The following FARS2 variants were observed in gnomAD, a reference collection of about 807,000 sequenced individuals.
FARS2 encodes phenylalanine--tRNA ligase, mitochondrial.
Under a neutral mutation model 46.4 loss-of-function variants are expected in FARS2, and 40 were observed. The ratio of observed to expected loss-of-function variants is 0.86; its 90% CI spans 0.67 to 1.12. The LOEUF (loss-of-function observed/expected upper bound fraction) is 1.12, where lower values mean the gene tolerates loss of function less well. Ranked by LOEUF, FARS2 falls within the 50% of genes most tolerant of loss-of-function variation. FARS2 has a pLI of 0.00. For missense variants in FARS2, 513 were observed against 567.9 expected, an observed-to-expected ratio of 0.90 and a Z score of 0.98; for synonymous variants, 234 against 214.9, an observed-to-expected ratio of 1.09 and a Z score of -0.78.
intron 6 of FARS2, among the ~76,000 whole-genome samples, chr6:5,737,844 G>A (rs1761048478): frequency 6.6e-6 from 1 of 152,190 alleles, no homozygotes; most frequent in South Asian, 2.1e-4. Context: ...GAAGACCGTG[G>A]CTTGCTTCCT....
At chr6:5,671,051 A>G (rs912063854) in intron 6 of FARS2, among the ~76,000 whole-genome samples, 1 of 152,336 alleles carries the variant, frequency 6.6e-6, no homozygotes, top group Middle Eastern at 3.4e-3. Context: ...ATCCTTAGGT[A>G]ATTACTTTCT....
At chr6:5,290,170 A>G (rs115790938) in intron 1 of FARS2, among the ~76,000 whole-genome samples, 3,225 of 152,318 alleles carry the variant, frequency 0.021, 118 homozygotes, top group African/African-American at 0.072. Flanking sequence ...ACCCTTCAAC[A>G]AAAGTCTTAA....
At chr6:5,544,230 A>G (rs564988993) in intron 4 of FARS2, among the ~76,000 whole-genome samples, 18 of 152,294 alleles carry the variant, frequency 1.2e-4, no homozygotes, top group South Asian at 8.3e-4. Context: ...TCTCTCTCCA[A>G]TCGGCCAAGA....
At chr6:5,404,842 C>A in intron 3 of FARS2, 141 bp downstream of exon 3, 1 of 583,344 alleles carries the variant, frequency 1.7e-6, no homozygotes, top group Non-Finnish European at 2.7e-6. Context: ...CTCTGTCACC[C>A]AGGCTGGAGT....
At chr6:5,638,789 C>T (rs974811905) in intron 6 of FARS2, among the ~76,000 whole-genome samples, 13 of 152,164 alleles carry the variant, frequency 8.5e-5, no homozygotes, top group African/African-American at 2.4e-4. Context: ...AGTTTCCTCG[C>T]GCGAGAGAAT....
intron 1 of FARS2, among the ~76,000 whole-genome samples, chr6:5,275,135 C>T (rs989082478): frequency 3.3e-5 from 5 of 152,184 alleles, no homozygotes; most frequent in Non-Finnish European, 5.9e-5. Flanking sequence ...TTGCGAATCA[C>T]TGGGATATTT....
rs777689872 is a variant in FARS2, at chr6:5,410,463, C to T, written c.772+5762C>T. ...AGGCGTGAGCCACTGCACCTGGCCG[C>T]GTTGTTCTATTTCAGGCATTTCAGA... On this transcript the variant is annotated intron_variant, in intron 3 of 6. Coordinates refer to ENST00000274680, the MANE Select transcript of FARS2 (RefSeq NM_006567.5). Among the ~76,000 whole-genome samples the T allele has an allele frequency of 1.2e-4, 19 of 152,108 alleles. No individual in the cohort carries two copies. In the Middle Eastern group the frequency reaches 0.017, roughly 136 times the overall value.
chr6:5,565,999 T>C (rs554073063), intron 5 of FARS2, among the ~76,000 whole-genome samples: 3 of 152,326 alleles, frequency 2.0e-5, no homozygotes, highest in African/African-American at 7.2e-5. Context: ...AATTTGACCA[T>C]GAGGTGAAAT....
At position 5,432,325 on chromosome 6, in the gene FARS2, AAAAT is replaced by A. The variant is rs1365326930; in HGVS notation, c.904+1155_904+1158del. The stretch of plus-strand genomic sequence containing the variant: ...GCAACACTCAGTCTTAAAAAAAAAA[AAAAT>A]ATATATATATATATATATATATTAT... On this transcript the variant is annotated intron_variant, in intron 4 of 6. Transcript: ENST00000274680. Among the ~76,000 whole-genome samples, 189 of 47,304 alleles carry A rather than the reference AAAAT, an allele frequency of 4.0e-3. 2 individuals are homozygous for A. Among genetic ancestry groups the A allele is most frequent in the East Asian group, 0.036 (47 of 1,300 alleles). 31.0% of individuals were successfully genotyped at this position (47,304 alleles called of 152,430 possible). A position where few individuals can be genotyped will look rare whatever the true frequency, so the allele number is the denominator to read the frequency against.
chr6:5,710,567 G>A (rs1759079344), intron 6 of FARS2, among the ~76,000 whole-genome samples: 1 of 152,212 alleles, frequency 6.6e-6, no homozygotes, highest in Non-Finnish European at 1.5e-5. Flanking sequence ...CTTCCCCGGG[G>A]GGCTTCCTAG....
chr6:5,367,447 T>C (rs1379073357), intron 1 of FARS2, among the ~76,000 whole-genome samples: 1 of 152,144 alleles, frequency 6.6e-6, no homozygotes, highest in East Asian at 1.9e-4. Context: ...TGAGTGAGTT[T>C]AAAACTGGCT....
chr6:5,563,092 G>A lies in FARS2; in HGVS notation c.1065+17752G>A, dbSNP rs908787128. 3.3e-5 allele frequency among the ~76,000 whole-genome samples: 5 copies of A among 152,174 alleles called. No individual in the cohort carries two copies. The South Asian group carries it at 1.0e-3, about 32-fold the overall frequency. ...CCCCCGTACAGAGACAGAGGGAGGG[G>A]GGCTCCAAAGCCAAAAGAGGAGGTC... On this transcript the variant is annotated intron_variant, in intron 5 of 6. Transcript: ENST00000274680.
At chr6:5,257,520 T>G (rs567733752), upstream of FARS2, among the ~76,000 whole-genome samples, 60 of 152,320 alleles carry the variant, frequency 3.9e-4, no homozygotes, top group Non-Finnish European at 7.2e-4. Flanking sequence ...GGGCTTGGTA[T>G]AGCAGGGGTC....
intron 6 of FARS2, among the ~76,000 whole-genome samples, chr6:5,675,836 G>T (rs2150820444): frequency 6.6e-6 from 1 of 152,246 alleles, no homozygotes; most frequent in Admixed American, 6.5e-5. Context: ...TATCCGGTAG[G>T]AAGTTAAATT....
chr6:5,472,900 C>G (rs907527525), intron 4 of FARS2, among the ~76,000 whole-genome samples: 3 of 152,250 alleles, frequency 2.0e-5, no homozygotes, highest in Admixed American at 6.5e-5. Context: ...TTGTTAAATA[C>G]AGAGAGCACA....
chr6:5,715,557 T>A (rs1301179095), intron 6 of FARS2, among the ~76,000 whole-genome samples: 1 of 152,192 alleles, frequency 6.6e-6, no homozygotes, highest in African/African-American at 2.4e-5. Context: ...GACATTTGTA[T>A]ATAAGGAATC....
intron 2 of FARS2, among the ~76,000 whole-genome samples, chr6:5,372,863 A>G (rs1190243693): frequency 1.3e-5 from 2 of 152,184 alleles, no homozygotes; most frequent in African/African-American, 4.8e-5. Context: ...TTAAAAATTG[A>G]AAATGGAAAT....
rs1281578913 is a variant in FARS2 at position 5,480,664 on chromosome 6, C to T, written c.904+49492C>T. Among the ~76,000 whole-genome samples the T allele has an allele frequency of 3.3e-5, 5 of 152,150 alleles. No homozygotes were observed. In the East Asian group the frequency reaches 9.6e-4, roughly 29 times the overall value. ...TCAAAGATCTGGAGTAAGTCCTGCC[C>T]TTTGCTATCTCCTTCTTGCCTCTCT... is the stretch of plus-strand genomic sequence containing the variant. On this transcript the variant is annotated intron_variant, in intron 4 of 6. Transcript: ENST00000274680.
chr6:5,270,946 C>T (rs1765902850), intron 1 of FARS2, among the ~76,000 whole-genome samples: 1 of 152,208 alleles, frequency 6.6e-6, no homozygotes, highest in Admixed American at 6.5e-5. Context: ...CTCAAAGCTA[C>T]CTTCTCTAAC....
Sources: allele counts gnomAD v4.1 joint callset (sites outside exome capture counted in the v4.1 genomes callset), GRCh38; gene constraint gnomAD v4.1.1; transcripts MANE v1.5; gene names NCBI Gene and HGNC (gene_info 2026-07-23, HGNC 2026-07-21).